PPARGC1A: variants seen among roughly 807,000 people sequenced by gnomAD.
PPARGC1A encodes the protein PPARG coactivator 1 alpha, also known as peroxisome proliferator-activated receptor gamma coactivator 1-alpha.
A neutral mutation model predicts 88.7 loss-of-function variants in PPARGC1A; 25 were observed. The ratio of observed to expected loss-of-function variants is 0.28; its 90% CI spans 0.21 to 0.39. The LOEUF (loss-of-function observed/expected upper bound fraction) is 0.39. Ranked by LOEUF, PPARGC1A falls within the 10% of genes least tolerant of loss-of-function variation. PPARGC1A has a pLI of 1.00. For missense variants in PPARGC1A, 880 were observed against 968.7 expected (o/e 0.91, Z 1.22); for synonymous variants, 363 against 355.6 (o/e 1.02, Z -0.24).
chr4:24,131,261 A>AT, the PPARGC1A span, among the ~76,000 whole-genome samples: 4 of 152,232 alleles, frequency 2.6e-5, no homozygotes, highest in Non-Finnish European at 4.4e-5. Flanking sequence ...CAGCAAAGTT[A>AT]TATCTAACAC....
the PPARGC1A span, among the ~76,000 whole-genome samples, chr4:24,050,051 C>G: frequency 1.3e-5 from 2 of 152,012 alleles, no homozygotes; most frequent in Non-Finnish European, 2.9e-5. Flanking sequence ...CTGTGATTTT[C>G]TGAAGATTTT....
the PPARGC1A span, among the ~76,000 whole-genome samples, chr4:24,335,659 C>T: frequency 3.3e-5 from 5 of 152,230 alleles, no homozygotes; most frequent in African/African-American, 9.6e-5. Flanking sequence ...ACTATAAGCG[C>T]GAGGGTACGT....
chr4:24,168,921 C>T, the PPARGC1A span, among the ~76,000 whole-genome samples: 1 of 152,140 alleles, frequency 6.6e-6, no homozygotes, highest in Non-Finnish European at 1.5e-5. Flanking sequence ...AGTTTAACTG[C>T]AAGTTTTTAC....
chr4:24,414,414 T>C, the PPARGC1A span, among the ~76,000 whole-genome samples: 1 of 152,154 alleles, frequency 6.6e-6, no homozygotes, highest in African/African-American at 2.4e-5. Flanking sequence ...ACCTGATAGA[T>C]AGGGGCAAAG....
chr4:23,831,626 G>T lies in PPARGC1A; in HGVS notation c.360C>A (p.Asp120Glu). ...DALTDGDVTTDNEASPSSMPD... is the reference protein window; with the variant it reads ...DALTDGDVTTENEASPSSMPD... ...GCATGGAGGAAGGACTAGCCTCATT[G>T]TCAGTGGTCACGTCTCCATCTGTCA... The change falls in exon 3 of 13, where the codon GAC (aspartate) becomes GAA (glutamate). Residue 120 changes from aspartate to glutamate, a missense_variant. Asp to Glu is a conservative substitution (Grantham distance 45). Coordinates refer to ENST00000264867, the MANE Select transcript of PPARGC1A (RefSeq NM_013261.5). 1 of 1,614,154 alleles carries T rather than the reference G, an allele frequency of 6.2e-7. No individual in the cohort carries two copies. Among genetic ancestry groups the T allele is most frequent in the South Asian group, 1.1e-5 (1 of 91,080 alleles).
the PPARGC1A span, among the ~76,000 whole-genome samples, chr4:23,930,009 A>G: frequency 0.064 from 9,672 of 152,100 alleles, 466 homozygotes; most frequent in African/African-American, 0.13. Context: ...TCTCCTATAG[A>G]TTTGCAGACT....
At chr4:24,460,789 C>T in the PPARGC1A span, among the ~76,000 whole-genome samples, 1 of 152,188 alleles carries the variant, frequency 6.6e-6, no homozygotes, top group South Asian at 2.1e-4. Flanking sequence ...ATTTCTGACG[C>T]TATTTCACTC....
chr4:24,229,185 G>C, the PPARGC1A span, among the ~76,000 whole-genome samples: 1 of 26,536 alleles, frequency 3.8e-5, no homozygotes, highest in Non-Finnish European at 8.6e-5. Context: ...ATGGAGTCTT[G>C]TTCTGTCACC....
chr4:24,044,781 C>A, the PPARGC1A span, among the ~76,000 whole-genome samples: 1 of 152,138 alleles, frequency 6.6e-6, no homozygotes, highest in African/African-American at 2.4e-5. Flanking sequence ...CACACTGCAC[C>A]CTCCAGCAGC....
chr4:24,410,929 C>T, the PPARGC1A span, among the ~76,000 whole-genome samples: 1 of 152,188 alleles, frequency 6.6e-6, no homozygotes, highest in Non-Finnish European at 1.5e-5. Context: ...TTCCTTGCTC[C>T]TCACCTTGCA....
chr4:24,324,332 G>T, the PPARGC1A span, among the ~76,000 whole-genome samples: 1 of 152,094 alleles, frequency 6.6e-6, no homozygotes, highest in Admixed American at 6.5e-5. Flanking sequence ...GAACCCCCCA[G>T]TCGCTTATTT....
chr4:24,278,707 T>G, the PPARGC1A span, among the ~76,000 whole-genome samples: 1 of 152,176 alleles, frequency 6.6e-6, no homozygotes, highest in Non-Finnish European at 1.5e-5. Flanking sequence ...GCTTTGATTT[T>G]CCACACCGTG....
chr4:24,017,914 T>C, the PPARGC1A span, among the ~76,000 whole-genome samples: 33 of 152,322 alleles, frequency 2.2e-4, no homozygotes, highest in East Asian at 4.1e-3. Flanking sequence ...ATAAATGTGC[T>C]TTAGCCCTTT....
At chr4:23,824,031 T>C (rs756294258) in intron 7 of PPARGC1A, among the ~76,000 whole-genome samples, 1 of 152,112 alleles carries the variant, frequency 6.6e-6, no homozygotes, top group African/African-American at 2.4e-5. Context: ...AGGGCACCAT[T>C]TGCAACCAAC....
the PPARGC1A span, among the ~76,000 whole-genome samples, chr4:24,328,987 T>C: frequency 6.6e-6 from 1 of 152,368 alleles, no homozygotes; most frequent in Admixed American, 6.5e-5. Context: ...AGGGCACCTG[T>C]GTCAGTCTGA....
At chr4:23,902,176 T>G (rs1719486453), upstream of PPARGC1A, among the ~76,000 whole-genome samples, 1 of 152,216 alleles carries the variant, frequency 6.6e-6, no homozygotes, top group Non-Finnish European at 1.5e-5. Flanking sequence ...TTTAAAATTT[T>G]TAAAAATGTA....
chr4:24,126,105 C>T, the PPARGC1A span, among the ~76,000 whole-genome samples: 2 of 152,154 alleles, frequency 1.3e-5, no homozygotes, highest in Non-Finnish European at 2.9e-5. Context: ...AGGGTAGTGA[C>T]TGTCCATTGT....
chr4:24,340,178 G>C, the PPARGC1A span, among the ~76,000 whole-genome samples: 1 of 152,164 alleles, frequency 6.6e-6, no homozygotes, highest in Admixed American at 6.6e-5. Context: ...AATAGCCTTT[G>C]GGGGCACTGG....
chr4:24,014,093 A>G, the PPARGC1A span, among the ~76,000 whole-genome samples: 1 of 152,214 alleles, frequency 6.6e-6, no homozygotes, highest in Non-Finnish European at 1.5e-5. Flanking sequence ...CTAGCATCAA[A>G]TGCCTGGTAT....
Sources: gnomAD v4.1 joint callset for allele counts (sites outside exome capture counted in the v4.1 genomes callset) on GRCh38, gnomAD v4.1.1 for gene constraint, MANE v1.5 for transcripts, NCBI Gene and HGNC (gene_info 2026-07-23, HGNC 2026-07-21) for gene names.